CCDC112: variants seen among roughly 807,000 people sequenced by gnomAD.
The protein encoded by CCDC112 is coiled-coil domain containing 112.
Under a neutral mutation model 66.3 loss-of-function variants are expected in CCDC112, and 40 were observed. That is an observed-to-expected ratio of 0.60 (90% CI 0.47 to 0.79). The LOEUF (loss-of-function observed/expected upper bound fraction) is 0.79. Among genes scored for constraint, CCDC112 ranks in the 30% least tolerant of loss-of-function variants. The pLI is 0.00. For synonymous variants in CCDC112, 214 were observed against 197.2 expected (o/e 1.09, Z -0.71); for missense variants, 659 against 603.8 (o/e 1.09, Z -0.96).
chr5:115,292,372 TAAAG>T (rs368892251), intron 1 of CCDC112, among the ~76,000 whole-genome samples: 30,587 of 152,146 alleles, frequency 0.2, 3,498 homozygotes, highest in Middle Eastern at 0.37. Flanking sequence ...TTAATTTCTT[TAAAG>T]ATTTCTATTT....
At chr5:115,296,328 C>T (rs1272373039) in intron 1 of CCDC112, 99 bp downstream of exon 1, 1 of 1,358,308 alleles carries the variant, frequency 7.4e-7, no homozygotes, top group Non-Finnish European at 9.4e-7. Flanking sequence ...GGGAGGCGAA[C>T]GCCGCGCCTC....
intron 3 of CCDC112, among the ~76,000 whole-genome samples, chr5:115,278,735 A>G (rs1749314744): frequency 6.6e-6 from 1 of 152,156 alleles, no homozygotes. Context: ...ACTGCTTGAC[A>G]AAGAATCACT....
chr5:115,291,764 A>G (rs560524452), intron 1 of CCDC112, among the ~76,000 whole-genome samples: 2 of 152,186 alleles, frequency 1.3e-5, no homozygotes, highest in Non-Finnish European at 2.9e-5. Flanking sequence ...ATCTTACAGA[A>G]TAATTTTGCT....
intron 7 of CCDC112, 40 bp from the exon 8 acceptor site, chr5:115,269,838 A>G (rs751629383): frequency 7.7e-7 from 1 of 1,295,794 alleles, no homozygotes; most frequent in Non-Finnish European, 1.1e-6. Flanking sequence ...AAGCATGTGA[A>G]CTAGAATTTG....
intron 1 of CCDC112, chr5:115,296,181 C>T: frequency 7.9e-7 from 1 of 1,263,370 alleles, no homozygotes; most frequent in South Asian, 2.5e-5. Flanking sequence ...TCTTATCACG[C>T]GGCTAGGAAG....
At chr5:115,277,143 G>C (rs1749241281) in intron 3 of CCDC112, 89 bp from the exon 4 acceptor site, 3 of 716,354 alleles carry the variant, frequency 4.2e-6, no homozygotes, top group Admixed American at 2.4e-5. Flanking sequence ...ATCACTGTTA[G>C]TAAAAGCCAA....
At chr5:115,290,656 T>G (rs372879566) in intron 1 of CCDC112, among the ~76,000 whole-genome samples, 1 of 152,178 alleles carries the variant, frequency 6.6e-6, no homozygotes, top group Non-Finnish European at 1.5e-5. Flanking sequence ...CTTTAATTTT[T>G]TGAATAATTT....
intron 8 of CCDC112, 66 bp from the exon 9 acceptor site, chr5:115,269,066 A>T (rs1278324260): frequency 2.3e-6 from 2 of 877,738 alleles, no homozygotes; most frequent in Non-Finnish European, 1.8e-6. Context: ...TAAATAAGTA[A>T]AAGCCTTAGT....
In CCDC112 at chr5:115,282,455, T is replaced by C. The variant is rs142518298; in HGVS notation, c.239+2332A>G. The stretch of plus-strand genomic sequence containing the variant: ...ATTTTCAAGTAAATCCATCACATTA[T>C]GCAATTTCACCCCAACAAACTTTTG... On this transcript the variant is annotated intron_variant, in intron 2 of 9. Transcript: ENST00000379611. 4.3e-3 allele frequency among the ~76,000 whole-genome samples: 651 copies of C among 152,276 alleles called. 5 individuals carry two copies. Among genetic ancestry groups the C allele is most frequent in the African/African-American group, 0.015 (614 of 41,580 alleles).
intron 6 of CCDC112, 127 bp from the exon 7 acceptor site, chr5:115,271,753 T>C: frequency 1.6e-6 from 1 of 636,010 alleles, no homozygotes; most frequent in African/African-American, 1.9e-5. Context: ...ATGCTTAGGT[T>C]TTTCAGCTTT....
rs1297723632 is a variant in CCDC112 at position 115,287,345 on chromosome 5, CT to C, written c.118-2438del. Among the ~76,000 whole-genome samples the C allele has an allele frequency of 2.0e-4, 30 of 152,230 alleles. No homozygotes were observed. The East Asian group carries it at 2.7e-3, about 14-fold the overall frequency. ...CTTTTAAGGAATGTCTACTTAAATC[CT>C]TTCCCTTTTTAAAAATTTGGCTGTC... On this transcript the variant is annotated intron_variant, in intron 1 of 9. Transcript: ENST00000379611.
chr5:115,277,824 G>T (rs1045218277), intron 3 of CCDC112, among the ~76,000 whole-genome samples: 1 of 151,684 alleles, frequency 6.6e-6, no homozygotes, highest in African/African-American at 2.4e-5. Context: ...CAAAATATTC[G>T]CATTCTTATA....
At chr5:115,273,294 G>T (rs1749079861) in intron 6 of CCDC112, among the ~76,000 whole-genome samples, 1 of 152,158 alleles carries the variant, frequency 6.6e-6, no homozygotes, top group South Asian at 2.1e-4. Context: ...AGGCCAGAAA[G>T]TTCAGAGCAT....
Position 115,267,564 on chromosome 5 carries a change from G to A in CCDC112, c.*312C>T. 1 of 232,596 alleles carries A rather than the reference G, an allele frequency of 4.3e-6. No homozygotes were observed. Among genetic ancestry groups the A allele is most frequent in the Non-Finnish European group, 8.3e-6 (1 of 121,046 alleles). 14.4% of individuals were successfully genotyped at this position (232,596 alleles called of 1,614,324 possible). On this transcript the variant is annotated 3_prime_UTR_variant, in exon 10 of 10. Transcript: ENST00000379611. Reference sequence around the variant, plus strand: ...TTGTATGATTGTTCCAATTTACTTTGCTATGCTATAACAAAAACAAAATCT... The same window carrying A: ...TTGTATGATTGTTCCAATTTACTTTACTATGCTATAACAAAAACAAAATCT...
chr5:115,269,035 T>C, intron 8 of CCDC112, 35 bp from the exon 9 acceptor site: 2 of 1,280,584 alleles, frequency 1.6e-6, no homozygotes, highest in Middle Eastern at 1.9e-4. Flanking sequence ...CAGTTAATTA[T>C]ACAAACTCAG....
At chr5:115,296,227 C>T in intron 1 of CCDC112, 200 bp downstream of exon 1, 1 of 1,282,806 alleles carries the variant, frequency 7.8e-7, no homozygotes, top group East Asian at 3.2e-5. Flanking sequence ...TCTTCCTCGA[C>T]TCCGAAACCA....
At chr5:115,291,028 T>C (rs1227291551) in intron 1 of CCDC112, among the ~76,000 whole-genome samples, 1 of 152,124 alleles carries the variant, frequency 6.6e-6, no homozygotes, top group Admixed American at 6.5e-5. Flanking sequence ...GTGAGTAAAG[T>C]GGTAAGAGTG....
At chr5:115,278,387 T>G (rs1169512501) in intron 3 of CCDC112, among the ~76,000 whole-genome samples, 1 of 151,948 alleles carries the variant, frequency 6.6e-6, no homozygotes, top group Non-Finnish European at 1.5e-5. Flanking sequence ...AAGGGAAAAC[T>G]TCTCTACACT....
intron 3 of CCDC112, among the ~76,000 whole-genome samples, chr5:115,277,733 A>C: frequency 6.6e-6 from 1 of 152,234 alleles, no homozygotes; most frequent in Non-Finnish European, 1.5e-5. Flanking sequence ...TGTCTTTATC[A>C]GCATAAAGGA....
Sources: gnomAD v4.1 joint callset for allele counts (sites outside exome capture counted in the v4.1 genomes callset) on GRCh38, gnomAD v4.1.1 for gene constraint, MANE v1.5 for transcripts, NCBI Gene and HGNC (gene_info 2026-07-23, HGNC 2026-07-21) for gene names.